Variants in ZBTB7C observed in about 807,000 individuals in gnomAD.
ZBTB7C encodes the protein zinc finger and BTB domain-containing protein 7C.
Under a neutral mutation model 25.7 loss-of-function variants are expected in ZBTB7C, and 8 were observed. That is an observed-to-expected ratio of 0.31 (90% confidence interval 0.18 to 0.56). The LOEUF (loss-of-function observed/expected upper bound fraction) is 0.56. Ranked by LOEUF, ZBTB7C falls within the 20% of genes least tolerant of loss-of-function variation. ZBTB7C has a pLI of 0.91. For missense variants in ZBTB7C, 824 were observed against 855.2 expected, an observed-to-expected ratio of 0.96 and a Z score of 0.46; for synonymous variants, 394 against 369.0, an observed-to-expected ratio of 1.07 and a Z score of -0.78.
intron 3 of ZBTB7C, among the ~76,000 whole-genome samples, chr18:48,119,842 G>C (rs2039568126): frequency 6.6e-6 from 1 of 152,164 alleles, no homozygotes; most frequent in East Asian, 1.9e-4. Context: ...AAATGAAACA[G>C]GAATGAACTT....
chr18:48,232,965 G>A lies in ZBTB7C; in HGVS notation c.-78-46970C>T, dbSNP rs537926657. Among the ~76,000 whole-genome samples the A allele has an allele frequency of 1.1e-4, 16 of 152,310 alleles. 1 individual carries two copies. The highest frequency in any genetic ancestry group is 3.4e-3 in the Middle Eastern group (1 of 294). ...AACAGCAAAACAACAGAAACAAGAA[G>A]GGCATGTAGGTGAAACAGTATATAA... On this transcript the variant is annotated intron_variant, in intron 2 of 4. Transcript: ENST00000590800.
At chr18:48,339,995 C>T (rs920112900) in intron 1 of ZBTB7C, among the ~76,000 whole-genome samples, 4 of 152,170 alleles carry the variant, frequency 2.6e-5, no homozygotes, top group Admixed American at 2.0e-4. Context: ...GAAGCCCCTT[C>T]GAAAGAGCAA....
chr18:48,367,333 T>C (rs7240236), intron 1 of ZBTB7C, among the ~76,000 whole-genome samples: 5 of 105,480 alleles, frequency 4.7e-5, no homozygotes, highest in African/African-American at 7.0e-5. Flanking sequence ...TGTATATATA[T>C]ACATATATGT....
chr18:48,209,864 A>T (rs957784374), intron 2 of ZBTB7C, among the ~76,000 whole-genome samples: 4 of 152,224 alleles, frequency 2.6e-5, no homozygotes, highest in African/African-American at 9.6e-5. Flanking sequence ...AATGGACACC[A>T]TCAATAAAGT....
chr18:48,052,235 G>A (rs2036716784), intron 3 of ZBTB7C, among the ~76,000 whole-genome samples: 2 of 152,180 alleles, frequency 1.3e-5, no homozygotes, highest in Admixed American at 6.5e-5. Context: ...GTGGAAGGGT[G>A]GGACAAGCAT....
At chr18:48,275,717 C>T (rs1275324731) in intron 2 of ZBTB7C, among the ~76,000 whole-genome samples, 1 of 152,214 alleles carries the variant, frequency 6.6e-6, no homozygotes, top group Non-Finnish European at 1.5e-5. Flanking sequence ...TTCGCATCAT[C>T]TTCCAGGAAG....
At chr18:48,107,662 C>A (rs1329089868) in intron 3 of ZBTB7C, among the ~76,000 whole-genome samples, 1 of 152,142 alleles carries the variant, frequency 6.6e-6, no homozygotes, top group Non-Finnish European at 1.5e-5. Flanking sequence ...CAGGGCCGGC[C>A]TCCTTGCAGC....
At chr18:48,346,877 C>T (rs554597265) in intron 1 of ZBTB7C, among the ~76,000 whole-genome samples, 134 of 152,056 alleles carry the variant, frequency 8.8e-4, no homozygotes, top group African/African-American at 3.1e-3. Context: ...CTCTGCCTCC[C>T]GGGTTTAAGT....
rs186756687 is a variant in ZBTB7C at position 48,324,112 on chromosome 18, C to G, written c.-79+14062G>C. On this transcript the variant is annotated intron_variant, in intron 2 of 4. Transcript: ENST00000590800. ...CTGCTGGCACCTTGATCTTGGACCT[C>G]CCAGCTTCCAGAATCGTGAGTAGCA... Among the ~76,000 whole-genome samples the G allele has an allele frequency of 3.1e-3, 476 of 152,274 alleles. 2 individuals carry two copies. The highest frequency in any genetic ancestry group is 8.5e-3 in the African/African-American group (354 of 41,554).
intron 3 of ZBTB7C, among the ~76,000 whole-genome samples, chr18:48,170,698 C>T (rs572459811): frequency 6.6e-6 from 1 of 152,246 alleles, no homozygotes; most frequent in East Asian, 1.9e-4. Context: ...TGGGAGATCC[C>T]CTCCACACCT....
chr18:48,392,839 C>T lies in ZBTB7C; in HGVS notation c.-304+16387G>A, dbSNP rs539549319. ...TTCTGACCTCTTCCTCCAATGCCCA[C>T]GCTAGGGTCATTCTGGCAGGACAGT... is the stretch of plus-strand genomic sequence containing the variant. On this transcript the variant is annotated intron_variant, in intron 1 of 4. Coordinates refer to ENST00000590800, the MANE Select transcript of ZBTB7C (RefSeq NM_001318841.2). Among the ~76,000 whole-genome samples, 12 of 152,260 alleles carry T rather than the reference C, an allele frequency of 7.9e-5. No individual in the cohort carries two copies. In the South Asian group the frequency reaches 8.3e-4, roughly 11 times the overall value.
At chr18:48,383,126 C>T (rs2047670334) in intron 1 of ZBTB7C, among the ~76,000 whole-genome samples, 1 of 152,158 alleles carries the variant, frequency 6.6e-6, no homozygotes, top group Non-Finnish European at 1.5e-5. Context: ...GTCCAATTGT[C>T]AGCCCGACCC....
chr18:48,143,315 G>A (rs1014146197), intron 3 of ZBTB7C, among the ~76,000 whole-genome samples: 2 of 151,912 alleles, frequency 1.3e-5, no homozygotes, highest in Non-Finnish European at 1.5e-5. Context: ...CAGGGTCACC[G>A]GCACTTACCT....
At chr18:48,092,072 T>C (rs1386030104) in intron 3 of ZBTB7C, among the ~76,000 whole-genome samples, 1 of 152,158 alleles carries the variant, frequency 6.6e-6, no homozygotes, top group Admixed American at 6.5e-5. Context: ...AACATGCTGA[T>C]ATTGCAATAA....
rs115801158 is a variant in ZBTB7C, at chr18:48,142,911, A to T, written c.-17+43023T>A. Among the ~76,000 whole-genome samples, 239 of 146,036 alleles carry T rather than the reference A, an allele frequency of 1.6e-3. 1 individual carries two copies. Among genetic ancestry groups the T allele is most frequent in the African/African-American group, 6.3e-3 (226 of 35,932 alleles). ...CTCTCCCTTCCTTCCCTTCACAGGT[A>T]TGTACTACCTATTCTGTGCCCCACA... On this transcript the variant is annotated intron_variant, in intron 3 of 4. Coordinates refer to ENST00000590800, the MANE Select transcript of ZBTB7C (RefSeq NM_001318841.2).
chr18:48,177,799 G>T (rs767070733), intron 3 of ZBTB7C, among the ~76,000 whole-genome samples: 34 of 152,140 alleles, frequency 2.2e-4, no homozygotes, highest in Non-Finnish European at 3.5e-4. Flanking sequence ...ACAGCAACGG[G>T]CTCCCTTGCC....
At chr18:48,278,943 GTT>G (rs748213528) in intron 2 of ZBTB7C, among the ~76,000 whole-genome samples, 4 of 141,216 alleles carry the variant, frequency 2.8e-5, no homozygotes, top group Non-Finnish European at 3.1e-5. Flanking sequence ...TTGCTTTCTT[GTT>G]TTTTTTTTTT....
At chr18:48,080,093 T>A (rs1353521931) in intron 3 of ZBTB7C, among the ~76,000 whole-genome samples, 1 of 151,986 alleles carries the variant, frequency 6.6e-6, no homozygotes, top group African/African-American at 2.4e-5. Context: ...GGTGGGGGAG[T>A]GACATTCAAT....
intron 2 of ZBTB7C, among the ~76,000 whole-genome samples, chr18:48,274,845 G>A (rs761762727): frequency 5.9e-5 from 9 of 152,288 alleles, no homozygotes; most frequent in Non-Finnish European, 1.0e-4. Flanking sequence ...TCTCATGTCG[G>A]GGGTGTCTGC....
Sources: gnomAD v4.1 joint callset for allele counts (sites outside exome capture counted in the v4.1 genomes callset) on GRCh38, gnomAD v4.1.1 for gene constraint, MANE v1.5 for transcripts, NCBI Gene and HGNC (gene_info 2026-07-23, HGNC 2026-07-21) for gene names.